AK5: variants seen among roughly 807,000 people sequenced by gnomAD.
AK5 encodes adenylate kinase 5.
AK5 carries 27 observed loss-of-function variants against 69.5 expected under a neutral mutation model. That is an observed-to-expected ratio of 0.39 (90% CI 0.29 to 0.54). The LOEUF is 0.54. AK5 is among the 20% of genes least tolerant of loss of function. AK5 has a pLI of 0.71. For missense variants in AK5, 531 were observed against 700.4 expected, an observed-to-expected ratio of 0.76 and a Z score of 2.73; for synonymous variants, 260 against 244.4, an observed-to-expected ratio of 1.06 and a Z score of -0.60.
chr1:77,499,106 CA>C (rs1248382278), intron 10 of AK5, among the ~76,000 whole-genome samples: 3 of 152,294 alleles, frequency 2.0e-5, no homozygotes, highest in Admixed American at 6.5e-5. Flanking sequence ...AAGAATGAAG[CA>C]GAGTAACAAG....
intron 9 of AK5, among the ~76,000 whole-genome samples, 158 bp downstream of exon 9, chr1:77,483,517 G>A (rs939179214): frequency 2.6e-5 from 4 of 152,078 alleles, no homozygotes; most frequent in African/African-American, 9.7e-5. Flanking sequence ...GGTCTTTCCT[G>A]CCTCCATCCA....
At chr1:77,511,539 G>T (rs1657347452) in intron 10 of AK5, among the ~76,000 whole-genome samples, 1 of 152,210 alleles carries the variant, frequency 6.6e-6, no homozygotes, top group South Asian at 2.1e-4. Flanking sequence ...TGTGTTGAAG[G>T]ACAGTGGGAA....
At chr1:77,348,685 T>C (rs913913463) in intron 6 of AK5, among the ~76,000 whole-genome samples, 9 of 152,136 alleles carry the variant, frequency 5.9e-5, no homozygotes, top group Admixed American at 1.3e-4. Context: ...CATGTCATAC[T>C]AACAACTTCC....
At chr1:77,367,425 C>T (rs980091265) in intron 6 of AK5, among the ~76,000 whole-genome samples, 4 of 144,384 alleles carry the variant, frequency 2.8e-5, no homozygotes, top group African/African-American at 7.7e-5. Context: ...CAGGCTCAAG[C>T]CATCCTCCTA....
At chr1:77,339,106 G>A (rs1233901421) in intron 5 of AK5, among the ~76,000 whole-genome samples, 1 of 152,156 alleles carries the variant, frequency 6.6e-6, no homozygotes, top group African/African-American at 2.4e-5. Context: ...TTTAAAAATT[G>A]TATTTTCATA....
intron 10 of AK5, among the ~76,000 whole-genome samples, chr1:77,509,655 T>C (rs1657229421): frequency 6.6e-6 from 1 of 152,228 alleles, no homozygotes; most frequent in Non-Finnish European, 1.5e-5. Context: ...TTCTAAAATA[T>C]GAAGATTAGA....
intron 5 of AK5, among the ~76,000 whole-genome samples, chr1:77,312,188 T>G (rs919020553): frequency 2.0e-5 from 3 of 152,120 alleles, no homozygotes; most frequent in African/African-American, 7.3e-5. Context: ...AGGAAGTTGT[T>G]GACAATCCCG....
intron 6 of AK5, among the ~76,000 whole-genome samples, chr1:77,385,253 G>A (rs975026842): frequency 4.6e-5 from 7 of 152,092 alleles, no homozygotes; most frequent in Admixed American, 1.3e-4. Context: ...TCCGCCTCCC[G>A]GGTTCACGCC....
At chr1:77,499,371 G>A (rs1203039809) in intron 10 of AK5, among the ~76,000 whole-genome samples, 1 of 152,114 alleles carries the variant, frequency 6.6e-6, no homozygotes, top group Non-Finnish European at 1.5e-5. Flanking sequence ...TCTCATATTT[G>A]TCTGGGGCAC....
At chr1:77,526,251 G>T (rs541658605) in intron 12 of AK5, among the ~76,000 whole-genome samples, 7 of 152,040 alleles carry the variant, frequency 4.6e-5, no homozygotes, top group Non-Finnish European at 7.4e-5. Flanking sequence ...TGGTACAAAC[G>T]TTGAGAAGCT....
intron 6 of AK5, among the ~76,000 whole-genome samples, chr1:77,386,348 G>C (rs1200946318): frequency 6.6e-6 from 1 of 152,152 alleles, no homozygotes; most frequent in Non-Finnish European, 1.5e-5. Context: ...TGGACTTAAG[G>C]GTGGAGATGA....
At chr1:77,506,356 GT>G (rs1481989120) in intron 10 of AK5, among the ~76,000 whole-genome samples, 1 of 151,994 alleles carries the variant, frequency 6.6e-6, no homozygotes, top group Admixed American at 6.6e-5. Context: ...CTTATGAGCA[GT>G]TTGGAAATCT....
chr1:77,463,781 G>T (rs1653980547), intron 8 of AK5, among the ~76,000 whole-genome samples: 2 of 152,066 alleles, frequency 1.3e-5, no homozygotes, highest in African/African-American at 4.8e-5. Flanking sequence ...TCTACCAACT[G>T]GTACAGCCCC....
chr1:77,495,021 A>G (rs1364897497), intron 10 of AK5, among the ~76,000 whole-genome samples: 1 of 152,008 alleles, frequency 6.6e-6, no homozygotes, highest in East Asian at 1.9e-4. Flanking sequence ...TGACCTCGTG[A>G]TCTGCCTGCC....
intron 10 of AK5, among the ~76,000 whole-genome samples, chr1:77,486,642 G>C (rs371226034): frequency 1.1e-3 from 171 of 151,388 alleles, no homozygotes; most frequent in African/African-American, 4.0e-3. Flanking sequence ...AGCTTGCAGT[G>C]AGCCGAGATC....
At chr1:77,287,262 T>G (rs1289316973) in intron 2 of AK5, 135 bp downstream of exon 2, 1 of 552,400 alleles carries the variant, frequency 1.8e-6, no homozygotes, top group Non-Finnish European at 2.8e-6. Context: ...CGATTAATTT[T>G]TCTCTGCTAC....
chr1:77,518,773 G>T lies in AK5; in HGVS notation c.1311+46G>T, dbSNP rs534712470. ...CACATTACTGCCTTTCCTGTCTGGGGAGACCTTTGGGGTTTTTGTAATGAA... is the reference window on the plus strand; with the variant it reads ...CACATTACTGCCTTTCCTGTCTGGGTAGACCTTTGGGGTTTTTGTAATGAA... On this transcript the variant is annotated intron_variant, in intron 11 of 13. Coordinates refer to ENST00000354567, the MANE Select transcript of AK5 (RefSeq NM_174858.3). 5.7e-6 allele frequency: 9 copies of T among 1,589,256 alleles called. No individual in the cohort carries two copies. The South Asian group carries it at 6.8e-5, about 12-fold the overall frequency.
At chr1:77,436,003 C>T (rs1244253357) in intron 8 of AK5, among the ~76,000 whole-genome samples, 1 of 152,154 alleles carries the variant, frequency 6.6e-6, no homozygotes. Context: ...TTGTCCTATA[C>T]ATTCGCTTTT....
chr1:77,501,746 G>A (rs1233850790), intron 10 of AK5, among the ~76,000 whole-genome samples: 1 of 152,132 alleles, frequency 6.6e-6, no homozygotes, highest in East Asian at 1.9e-4. Context: ...ATAGAAAAAG[G>A]TTTACATTTA....
Sources: gnomAD v4.1 joint callset for allele counts (sites outside exome capture counted in the v4.1 genomes callset) on GRCh38, gnomAD v4.1.1 for gene constraint, MANE v1.5 for transcripts, NCBI Gene and HGNC (gene_info 2026-07-23, HGNC 2026-07-21) for gene names.